FHIP2A: variants seen among roughly 807,000 people sequenced by gnomAD.
FHIP2A encodes the protein family with sequence similarity 160 member B1.
A neutral mutation model predicts 93.5 loss-of-function variants in FHIP2A; 46 were observed. The ratio of observed to expected loss-of-function variants is 0.49; its 90% confidence interval spans 0.39 to 0.63. The LOEUF is 0.63. Among genes scored for constraint, FHIP2A ranks in the 20% least tolerant of loss-of-function variants. The pLI is 0.00. For synonymous variants in FHIP2A, 332 were observed against 326.5 expected, an observed-to-expected ratio of 1.02 and a Z score of -0.18; for missense variants, 769 against 909.7, an observed-to-expected ratio of 0.85 and a Z score of 1.99.
chr10:114,831,169 C>T (rs952336782), intron 2 of FHIP2A, among the ~76,000 whole-genome samples: 1 of 152,170 alleles, frequency 6.6e-6, no homozygotes, highest in African/African-American at 2.4e-5. Context: ...AAACAGACAA[C>T]ACTGCTGTCC....
rs539784011 is a variant in FHIP2A at position 114,823,716 on chromosome 10, C to G, written c.45+1593C>G. On this transcript the variant is annotated intron_variant, in intron 1 of 16. Coordinates refer to ENST00000369248, the MANE Select transcript of FHIP2A (RefSeq NM_020940.4). ...GTTTCACCATGTTAGCCAGGCTGCT[C>G]TCGAACTCCTGACCTCAAGTGATCG... Among the ~76,000 whole-genome samples, 251 of 150,260 alleles carry G rather than the reference C, an allele frequency of 1.7e-3. 1 individual carries two copies. Among genetic ancestry groups the G allele is most frequent in the Admixed American group, 3.0e-3 (46 of 15,082 alleles).
chr10:114,880,680 A>AAC (rs71473073), intron 16 of FHIP2A, among the ~76,000 whole-genome samples: 6,119 of 144,108 alleles, frequency 0.042, 228 homozygotes, highest in African/African-American at 0.11. Flanking sequence ...ACTCCATGTC[A>AAC]ACACACACAC....
At chr10:114,892,309 T>C (rs1221276733) in intron 16 of FHIP2A, among the ~76,000 whole-genome samples, 7 of 152,212 alleles carry the variant, frequency 4.6e-5, no homozygotes, top group African/African-American at 1.7e-4. Context: ...AACATAGATA[T>C]GTGTGAACAT....
chr10:114,845,344 A>G (rs2420069), intron 7 of FHIP2A, 23 bp from the exon 8 acceptor site: 654,146 of 1,413,798 alleles, frequency 0.46, 155,168 homozygotes, highest in Non-Finnish European at 0.49. Context: ...CTTTGGACTT[A>G]GCAATTCTTC....
intron 7 of FHIP2A, among the ~76,000 whole-genome samples, chr10:114,844,862 G>A (rs189335987): frequency 9.2e-4 from 140 of 152,120 alleles, no homozygotes; most frequent in Non-Finnish European, 1.4e-3. Context: ...TTGGCTTACC[G>A]CAACCTCCGT....
intron 7 of FHIP2A, 98 bp from the exon 8 acceptor site, chr10:114,845,269 T>G (rs982124205): frequency 1.3e-5 from 9 of 683,660 alleles, no homozygotes; most frequent in Middle Eastern, 2.6e-4. Context: ...TACCATACTA[T>G]CTGAGTGTGT....
intron 16 of FHIP2A, among the ~76,000 whole-genome samples, chr10:114,875,661 C>T (rs1408627593): frequency 6.6e-6 from 1 of 150,548 alleles, no homozygotes; most frequent in African/African-American, 2.5e-5. Context: ...CGCCATTGCA[C>T]TCAAGCCTGG....
Position 114,862,790 on chromosome 10 carries a change from G to A in FHIP2A, c.*1250G>A, listed in dbSNP as rs2083808092. 2.0e-6 allele frequency: 2 copies of A among 985,404 alleles called. No individual in the cohort carries two copies. Among genetic ancestry groups the A allele is most frequent in the African/African-American group, 3.5e-5 (2 of 57,358 alleles). 61.0% of individuals were successfully genotyped at this position (985,404 alleles called of 1,614,324 possible). On this transcript the variant is annotated 3_prime_UTR_variant, in exon 17 of 17. Coordinates refer to ENST00000369248, the MANE Select transcript of FHIP2A (RefSeq NM_020940.4). ...GCTATTGTTTGTTTTTATTTGACAT[G>A]TTAAGCCGCAGCACTTTCTTCTTCA...
intron 13 of FHIP2A, among the ~76,000 whole-genome samples, chr10:114,853,544 T>C (rs185860935): frequency 2.0e-5 from 3 of 152,344 alleles, no homozygotes; most frequent in Admixed American, 2.0e-4. Context: ...GCAGTACCGA[T>C]TGGATTTTTA....
chr10:114,846,112 A>T, intron 9 of FHIP2A, 23 bp downstream of exon 9: 1 of 1,612,818 alleles, frequency 6.2e-7, no homozygotes, highest in South Asian at 1.1e-5. Flanking sequence ...TTTTCTTTTG[A>T]AAAAAACCGC....
Position 114,843,236 on chromosome 10 carries a change from G to A in FHIP2A, c.816+10G>A. The A allele has an allele frequency of 1.3e-6, 2 of 1,558,096 alleles. No homozygotes were observed. Among genetic ancestry groups the A allele is most frequent in the Non-Finnish European group, 1.7e-6 (2 of 1,143,262 alleles). ...TCTTACTAGAAGTCCTGTGAGTTATGGTCCTTACTTTTTCCCCCCTAACAT... is the reference window on the plus strand; with the variant it reads ...TCTTACTAGAAGTCCTGTGAGTTATAGTCCTTACTTTTTCCCCCCTAACAT... On this transcript the variant is annotated intron_variant, in intron 6 of 16. Transcript: ENST00000369248.
intron 1 of FHIP2A, among the ~76,000 whole-genome samples, chr10:114,827,343 ACT>A (rs1306327775): frequency 6.6e-6 from 1 of 152,178 alleles, no homozygotes; most frequent in Non-Finnish European, 1.5e-5. Context: ...CAAATACTTA[ACT>A]CTGTGTCATG....
intron 16 of FHIP2A, among the ~76,000 whole-genome samples, chr10:114,871,964 T>C (rs1018435714): frequency 1.3e-5 from 2 of 152,228 alleles, no homozygotes; most frequent in Non-Finnish European, 2.9e-5. Flanking sequence ...CCACTTCCAG[T>C]TGGATGAGCT....
rs968354718 is a variant in FHIP2A at position 114,822,024 on chromosome 10, G to A, written c.-55G>A. On this transcript the variant is annotated 5_prime_UTR_variant, in exon 1 of 17. Coordinates refer to ENST00000369248, the MANE Select transcript of FHIP2A (RefSeq NM_020940.4). ...AGCCGCAGCAGGGGCGGCGGCGGCGGATCGAGGAGCTCTCCAGGTCGTCCC... is the reference window on the plus strand; with the variant it reads ...AGCCGCAGCAGGGGCGGCGGCGGCGAATCGAGGAGCTCTCCAGGTCGTCCC... 7.6e-6 allele frequency: 9 copies of A among 1,182,108 alleles called. No homozygotes were observed. Among genetic ancestry groups the A allele is most frequent in the South Asian group, 3.1e-5 (1 of 32,402 alleles). The allele number at this position is 1,182,108 out of a possible 1,614,324, so 73.2% of individuals were successfully genotyped here. A position where few individuals can be genotyped will look rare whatever the true frequency, so the allele number is the denominator to read the frequency against.
intron 5 of FHIP2A, among the ~76,000 whole-genome samples, chr10:114,837,077 G>GT (rs533455736): frequency 1.4e-3 from 215 of 151,708 alleles, no homozygotes; most frequent in African/African-American, 5.0e-3. Context: ...AATTTTTTAA[G>GT]TTTTTTTGTA....
intron 16 of FHIP2A, among the ~76,000 whole-genome samples, chr10:114,894,934 T>C (rs768359206): frequency 1.3e-5 from 2 of 152,200 alleles, no homozygotes; most frequent in Non-Finnish European, 1.5e-5. Flanking sequence ...AAGGTCCTAA[T>C]TGCATTTAAT....
intron 16 of FHIP2A, among the ~76,000 whole-genome samples, chr10:114,893,348 A>G (rs1437636152): frequency 3.3e-5 from 5 of 152,216 alleles, no homozygotes; most frequent in African/African-American, 4.8e-5. Flanking sequence ...TTTAAACTCT[A>G]TCAATCAATG....
At chr10:114,898,740 G>A (rs1461751601) in intron 16 of FHIP2A, among the ~76,000 whole-genome samples, 1 of 152,124 alleles carries the variant, frequency 6.6e-6, no homozygotes, top group Admixed American at 6.6e-5. Context: ...ATACAAAAAT[G>A]ATATTGATTT....
chr10:114,871,300 A>G (rs1445932320), intron 16 of FHIP2A, among the ~76,000 whole-genome samples: 1 of 151,962 alleles, frequency 6.6e-6, no homozygotes, highest in East Asian at 1.9e-4. Context: ...CTACAGGATC[A>G]TGCCACTGAG....
Sources: allele counts gnomAD v4.1 joint callset (sites outside exome capture counted in the v4.1 genomes callset), GRCh38; gene constraint gnomAD v4.1.1; transcripts MANE v1.5; gene names NCBI Gene and HGNC (gene_info 2026-07-23, HGNC 2026-07-21).